Variants in RALY observed in about 807,000 individuals in gnomAD.
RALY encodes RALY heterogeneous nuclear ribonucleoprotein, also known as RNA-binding protein Raly.
Under a neutral mutation model 30.7 loss-of-function variants are expected in RALY, and 15 were observed. The observed-to-expected ratio is 0.49, with a 90% CI of 0.33 to 0.75. RALY has a LOEUF of 0.75. RALY is among the 30% of genes least tolerant of loss of function. The pLI is 0.02. For missense variants in RALY, 339 were observed against 414.3 expected (o/e 0.82, Z 1.58); for synonymous variants, 177 against 170.8 (o/e 1.04, Z -0.28).
At chr20:34,063,628 A>G (rs2033481043) in intron 2 of RALY, among the ~76,000 whole-genome samples, 1 of 152,224 alleles carries the variant, frequency 6.6e-6, no homozygotes, top group African/African-American at 2.4e-5. Context: ...CAAGGCAAGA[A>G]TAAGTATGCA....
chr20:34,046,216 G>A (rs2123152780), intron 2 of RALY, among the ~76,000 whole-genome samples: 2 of 152,282 alleles, frequency 1.3e-5, no homozygotes, highest in South Asian at 4.1e-4. Context: ...TATCCAGGAG[G>A]CTTGTCTTTG....
At position 34,081,996 on chromosome 20, in the gene RALY, G is replaced by A. The variant is rs2034037899; in HGVS notation, c.*2091G>A. On this transcript the variant is annotated 3_prime_UTR_variant, in exon 10 of 10. Coordinates refer to ENST00000246194, the MANE Select transcript of RALY (RefSeq NM_016732.3). ...CCCTGAGGCCATGAGATGCAGGCAT[G>A]GGGTGAGAAACAGGCCCCTTGGAAT... 6.6e-6 allele frequency: 1 copy of A among 152,416 alleles called. No homozygotes were observed. Among genetic ancestry groups the A allele is most frequent in the African/African-American group, 2.4e-5 (1 of 41,468 alleles). 9.4% of individuals were successfully genotyped at this position (152,416 alleles called of 1,614,324 possible).
At position 34,082,100 on chromosome 20, in the gene RALY, G is replaced by T. The variant is rs547378829; in HGVS notation, c.*2195G>T. On this transcript the variant is annotated 3_prime_UTR_variant, in exon 10 of 10. Coordinates refer to ENST00000246194, the MANE Select transcript of RALY (RefSeq NM_016732.3). ...CTGAAGAGGGTGTACAGAGGAAGGGGCTAGGTCTGCAAGGAGTGCCTCATC... is the reference window on the plus strand; with the variant it reads ...CTGAAGAGGGTGTACAGAGGAAGGGTCTAGGTCTGCAAGGAGTGCCTCATC... The T allele has an allele frequency of 8.5e-5, 13 of 152,466 alleles. No homozygotes were observed. Among genetic ancestry groups the T allele is most frequent in the African/African-American group, 3.1e-4 (13 of 41,570 alleles). The allele number at this position is 152,466 out of a possible 1,614,324, so 9.4% of individuals were successfully genotyped here.
chr20:34,074,188 T>C (rs903449832), intron 5 of RALY, among the ~76,000 whole-genome samples: 1 of 152,182 alleles, frequency 6.6e-6, no homozygotes, highest in African/African-American at 2.4e-5. Context: ...GGTACAGCGC[T>C]GGTTGCAGGG....
intron 1 of RALY, among the ~76,000 whole-genome samples, chr20:34,028,177 T>C (rs1247591750): frequency 2.0e-5 from 3 of 151,742 alleles, no homozygotes; most frequent in African/African-American, 7.3e-5. Flanking sequence ...TCCTAGCTAC[T>C]TGAGTGGCTG....
Position 34,076,686 on chromosome 20 carries a change from C to T in RALY, c.545-16C>T, listed in dbSNP as rs369497997. 14 of 1,607,308 alleles carry T rather than the reference C, an allele frequency of 8.7e-6. No individual in the cohort carries two copies. The highest frequency in any genetic ancestry group is 2.2e-5 in the South Asian group (2 of 90,816). ...CAGCCCCCTAGGTGACAGCCCTGTC[C>T]CCCCTCCACTCCCAGTAAAGAGCAG... On this transcript the variant is annotated splice_polypyrimidine_tract_variant and intron_variant, in intron 6 of 9. Coordinates refer to ENST00000246194, the MANE Select transcript of RALY (RefSeq NM_016732.3).
intron 2 of RALY, among the ~76,000 whole-genome samples, chr20:34,067,010 ATC>A (rs1290869162): frequency 8.5e-5 from 13 of 152,118 alleles, no homozygotes; most frequent in Non-Finnish European, 1.6e-4. Context: ...GCCATGTGCA[ATC>A]TTGCCCCTGC....
At chr20:33,999,231 T>C (rs948317279) in intron 1 of RALY, among the ~76,000 whole-genome samples, 20 of 152,024 alleles carry the variant, frequency 1.3e-4, no homozygotes, top group Admixed American at 9.2e-4. Context: ...GGTTTCTACC[T>C]GGTGCAGTTT....
chr20:34,034,848 GAAGAAGTTAAAAC>G (rs913928352), intron 2 of RALY, among the ~76,000 whole-genome samples: 2 of 152,102 alleles, frequency 1.3e-5, no homozygotes, highest in African/African-American at 4.8e-5. Context: ...AGGGGTGAAA[GAAGAAGTTAAAAC>G]AACAGTCTGG....
intron 1 of RALY, among the ~76,000 whole-genome samples, chr20:34,010,165 GTC>G (rs1307022943): frequency 6.6e-6 from 1 of 152,126 alleles, no homozygotes; most frequent in Non-Finnish European, 1.5e-5. Context: ...GTGGAAGTGA[GTC>G]TGATGTGTCA....
At chr20:34,022,452 A>T (rs1023668488) in intron 1 of RALY, among the ~76,000 whole-genome samples, 1 of 152,114 alleles carries the variant, frequency 6.6e-6, no homozygotes, top group South Asian at 2.1e-4. Context: ...TTTCCCCTCC[A>T]TAACTGTTGA....
intron 1 of RALY, among the ~76,000 whole-genome samples, chr20:34,027,580 A>G (rs2032091407): frequency 6.6e-6 from 1 of 152,204 alleles, no homozygotes; most frequent in Admixed American, 6.5e-5. Flanking sequence ...TATTATTAGT[A>G]ATTTTTTGTG....
chr20:34,077,092 CGGTGGCAGTGGTGGT>C lies in RALY; in HGVS notation c.726_740del (p.Ser244_Gly248del). 3.1e-6 allele frequency: 5 copies of C among 1,604,746 alleles called. No individual in the cohort carries two copies. The highest frequency in any genetic ancestry group is 4.3e-6 in the Non-Finnish European group (5 of 1,175,670). Reference sequence around the variant, plus strand: ...GCGGCGGTGGTGGTGGCAGCGGTGGCGGTGGCAGTGGTGGTGGCGGTGGCGGTGGCAGCAGCCGGC... The same window carrying C: ...GCGGCGGTGGTGGTGGCAGCGGTGGCGGCGGTGGCGGTGGCAGCAGCCGGC... On this transcript the variant is annotated inframe_deletion, in exon 8 of 10. Coordinates refer to ENST00000246194, the MANE Select transcript of RALY (RefSeq NM_016732.3).
In RALY at chr20:34,073,860, A is replaced by G. The variant is rs1261010019; in HGVS notation, c.371A>G (p.Tyr124Cys). The G allele has an allele frequency of 6.2e-7, 1 of 1,614,008 alleles. No homozygotes were observed. The highest frequency in any genetic ancestry group is 1.7e-5 in the Admixed American group (1 of 60,010). Residue 124 changes from tyrosine to cysteine, a missense_variant, in exon 5 of 10, where the codon TAC becomes TGC. Coordinates refer to ENST00000246194, the MANE Select transcript of RALY (RefSeq NM_016732.3). ...TATGATTACTACCGGGACGACTTCTACGACAGGTGAGCAGGGGAGGGGCGT... is the reference window on the plus strand; with the variant it reads ...TATGATTACTACCGGGACGACTTCTGCGACAGGTGAGCAGGGGAGGGGCGT... ...FDYDYYRDDF[Y>C]DRLFDYRGRL...
intron 2 of RALY, among the ~76,000 whole-genome samples, chr20:34,068,915 C>T (rs2122269205): frequency 6.6e-6 from 1 of 152,276 alleles, no homozygotes; most frequent in South Asian, 2.1e-4. Flanking sequence ...ATCCCACTTT[C>T]CAAAGGAGTG....
intron 2 of RALY, among the ~76,000 whole-genome samples, chr20:34,055,460 A>C (rs1003312122): frequency 6.6e-6 from 1 of 152,140 alleles, no homozygotes; most frequent in Non-Finnish European, 1.5e-5. Flanking sequence ...GGGGTGGGGC[A>C]TGGGGGCTGT....
intron 2 of RALY, among the ~76,000 whole-genome samples, chr20:34,064,678 A>G (rs1278305624): frequency 6.6e-6 from 1 of 152,216 alleles, no homozygotes; most frequent in Non-Finnish European, 1.5e-5. Context: ...GGGAGATGAC[A>G]TAGTAAAGAA....
rs2033539990 is a variant in RALY at position 34,065,345 on chromosome 20, G to T, written c.-9-6721G>T. 2.0e-5 allele frequency among the ~76,000 whole-genome samples: 3 copies of T among 152,216 alleles called. No individual in the cohort carries two copies. The South Asian group carries it at 6.2e-4, about 32-fold the overall frequency. ...TTCGGATTAAAGACAAGAAGGCCTA[G>T]GGAAGTTAAATGACTTGTTGCAGGT... is the stretch of plus-strand genomic sequence containing the variant. On this transcript the variant is annotated intron_variant, in intron 2 of 9. Coordinates refer to ENST00000246194, the MANE Select transcript of RALY (RefSeq NM_016732.3).
chr20:34,005,632 A>G (rs1193812757), intron 1 of RALY, among the ~76,000 whole-genome samples: 17 of 152,326 alleles, frequency 1.1e-4, no homozygotes, highest in Middle Eastern at 3.4e-3. Flanking sequence ...TAGAGCTAAT[A>G]TTTACTGAAG....
Sources: allele counts gnomAD v4.1 joint callset (sites outside exome capture counted in the v4.1 genomes callset), GRCh38; gene constraint gnomAD v4.1.1; transcripts MANE v1.5; gene names NCBI Gene and HGNC (gene_info 2026-07-23, HGNC 2026-07-21).